Variants in GNG7 observed in about 807,000 individuals in gnomAD.
GNG7 encodes G protein subunit gamma 7, also known as guanine nucleotide-binding protein G(I)/G(S)/G(O) subunit gamma-7.
GNG7 carries 1 observed loss-of-function variant against 4.0 expected under a neutral mutation model. That is an observed-to-expected ratio of 0.25 (90% CI 0.09 to 1.18). The LOEUF is 1.18. Among genes scored for constraint, GNG7 ranks in the 50% most tolerant of loss-of-function variants. GNG7 has a pLI of 0.50. For missense variants in GNG7, 86 were observed against 91.9 expected, an observed-to-expected ratio of 0.94 and a Z score of 0.26; for synonymous variants, 34 against 36.9, an observed-to-expected ratio of 0.92 and a Z score of 0.29.
chr19:2,538,404 T>C, intron 3 of GNG7: 1 of 401,166 alleles, frequency 2.5e-6, no homozygotes, highest in South Asian at 1.8e-5. Flanking sequence ...TGGAGGATCA[T>C]TTGAGGCCAG....
chr19:2,628,600 C>T (rs1599429799), intron 2 of GNG7, among the ~76,000 whole-genome samples: 1 of 149,954 alleles, frequency 6.7e-6, no homozygotes, highest in East Asian at 1.9e-4. Flanking sequence ...TAAGTATACT[C>T]ACACTGCTGT....
intron 2 of GNG7, among the ~76,000 whole-genome samples, chr19:2,575,556 C>CACACGCAGGCACACGCAG (rs763915368): frequency 1.0e-5 from 1 of 99,922 alleles, no homozygotes; most frequent in East Asian, 2.1e-4. Flanking sequence ...CACACGCAGA[C>CACACGCAGGCACACGCAG]ACACGCAGGC....
At chr19:2,575,832 C>T (rs1202858771) in intron 2 of GNG7, among the ~76,000 whole-genome samples, 2 of 148,584 alleles carry the variant, frequency 1.3e-5, no homozygotes, top group African/African-American at 5.0e-5. Context: ...CACACGCAGA[C>T]AGGCAGGCAC....
At chr19:2,594,176 G>T (rs561207212) in intron 2 of GNG7, among the ~76,000 whole-genome samples, 2 of 152,186 alleles carry the variant, frequency 1.3e-5, no homozygotes, top group Admixed American at 6.6e-5. Flanking sequence ...TTCGAGACCA[G>T]CCTGGCCAAC....
intron 2 of GNG7, among the ~76,000 whole-genome samples, chr19:2,619,179 G>C (rs544070152): frequency 6.6e-6 from 1 of 152,324 alleles, no homozygotes; most frequent in African/African-American, 2.4e-5. Flanking sequence ...AAGCTCCTTG[G>C]AATAATCGTC....
At chr19:2,606,666 A>C (rs201852221) in intron 2 of GNG7, among the ~76,000 whole-genome samples, 2 of 32,780 alleles carry the variant, frequency 6.1e-5, no homozygotes, top group Non-Finnish European at 1.4e-4. Context: ...AAAAAAAAAT[A>C]ATTAATTAAT....
At position 2,612,515 on chromosome 19, in the gene GNG7, C is replaced by G. The variant is rs1046882552; in HGVS notation, c.-78+33709G>C. Among the ~76,000 whole-genome samples the G allele has an allele frequency of 1.1e-4, 16 of 152,068 alleles. 1 individual carries two copies. The highest frequency in any genetic ancestry group is 3.1e-4 in the African/African-American group (13 of 41,408). On this transcript the variant is annotated intron_variant, in intron 2 of 4. Transcript: ENST00000382159. ...AGAAGACTGAAGCCAGGACCCCCCC[C>G]AGGCAGGACCCAGGCTCCCACGGCA...
In GNG7 at chr19:2,524,517, CGT is replaced by C. The variant is rs371632671; in HGVS notation, c.-37-3794_-37-3793del. On this transcript the variant is annotated intron_variant, in intron 3 of 4. Coordinates refer to ENST00000382159, the MANE Select transcript of GNG7 (RefSeq NM_052847.3). ...TGGCATTCATGAGTGTGCATATATGCGTGTGTGCACACATATCTGCATGTGTA... is the reference window on the plus strand; with the variant it reads ...TGGCATTCATGAGTGTGCATATATGCGTGTGCACACATATCTGCATGTGTA... Among the ~76,000 whole-genome samples the C allele has an allele frequency of 2.3e-3, 354 of 152,272 alleles. 1 individual carries two copies. Among genetic ancestry groups the C allele is most frequent in the African/African-American group, 7.8e-3 (324 of 41,542 alleles).
chr19:2,685,852 G>A (rs1473866597), intron 1 of GNG7, among the ~76,000 whole-genome samples: 1 of 152,088 alleles, frequency 6.6e-6, no homozygotes, highest in African/African-American at 2.4e-5. Context: ...TTTGCCCAGT[G>A]AAAAGAGGCC....
intron 2 of GNG7, among the ~76,000 whole-genome samples, chr19:2,568,079 A>G (rs1408143454): frequency 6.6e-6 from 1 of 150,766 alleles, no homozygotes; most frequent in East Asian, 2.0e-4. Flanking sequence ...ACACACATAT[A>G]CACATGCACA....
intron 1 of GNG7, among the ~76,000 whole-genome samples, chr19:2,676,825 G>C (rs1216594881): frequency 2.6e-5 from 4 of 151,972 alleles, no homozygotes; most frequent in Non-Finnish European, 5.9e-5. Flanking sequence ...TTTTCAGCCG[G>C]GCGGGTGCAA....
intron 1 of GNG7, among the ~76,000 whole-genome samples, chr19:2,688,508 G>A (rs745373954): frequency 5.9e-5 from 9 of 152,108 alleles, no homozygotes; most frequent in Non-Finnish European, 1.3e-4. Context: ...GTTCTTTCCC[G>A]AAACCCGTAA....
chr19:2,538,529 G>A (rs946240527), intron 3 of GNG7: 47 of 350,342 alleles, frequency 1.3e-4, no homozygotes, highest in South Asian at 2.1e-4. Context: ...TACCCGGGAG[G>A]CTGAGGCAGG....
intron 3 of GNG7, among the ~76,000 whole-genome samples, chr19:2,536,069 G>T (rs931311241): frequency 2.0e-5 from 3 of 152,054 alleles, no homozygotes; most frequent in Non-Finnish European, 4.4e-5. Flanking sequence ...AGGCTGCGGT[G>T]AGTTGTGACC....
At chr19:2,538,691 G>A (rs1387828547) in intron 3 of GNG7, 1 of 461,890 alleles carries the variant, frequency 2.2e-6, no homozygotes, top group South Asian at 1.6e-5. Flanking sequence ...TACTCTAACA[G>A]CTCCACTGAG....
At position 2,522,540 on chromosome 19, in the gene GNG7, C is replaced by T. The variant is rs539721755; in HGVS notation, c.-37-1815G>A. ...CTGTAATCCCAGCACTTTGGGAGGC[C>T]GAGGCGGGCGGGTCACAAGGTCAGG... On this transcript the variant is annotated intron_variant, in intron 3 of 4. Coordinates refer to ENST00000382159, the MANE Select transcript of GNG7 (RefSeq NM_052847.3). Among the ~76,000 whole-genome samples, 11 of 151,684 alleles carry T rather than the reference C, an allele frequency of 7.3e-5. No individual in the cohort carries two copies. In the South Asian group the frequency reaches 1.2e-3, roughly 17 times the overall value.
rs377174635 is a variant in GNG7 at position 2,513,027 on chromosome 19, C to T, written c.*1995G>A. On this transcript the variant is annotated 3_prime_UTR_variant, in exon 5 of 5. Transcript: ENST00000382159. ...GGGTAGGGCTCCCCGAAGCCCCAGCCCTCCCGGACCTGCCGTAGAGAGCTG... is the reference window on the plus strand; with the variant it reads ...GGGTAGGGCTCCCCGAAGCCCCAGCTCTCCCGGACCTGCCGTAGAGAGCTG... 9 of 985,350 alleles carry T rather than the reference C, an allele frequency of 9.1e-6. No homozygotes were observed. The South Asian group carries it at 2.8e-4, about 31-fold the overall frequency. 61.0% of individuals were successfully genotyped at this position (985,350 alleles called of 1,614,324 possible). A position where few individuals can be genotyped will look rare whatever the true frequency, so the allele number is the denominator to read the frequency against.
At position 2,512,112 on chromosome 19, in the gene GNG7, A is replaced by G. The variant is rs1035692978; in HGVS notation, c.*2910T>C. 4.0e-5 allele frequency: 39 copies of G among 985,450 alleles called. No individual in the cohort carries two copies. In the Admixed American group the frequency reaches 9.2e-4, roughly 23 times the overall value. The allele number at this position is 985,450 out of a possible 1,614,324, so 61.0% of individuals were successfully genotyped here. On this transcript the variant is annotated 3_prime_UTR_variant, in exon 5 of 5. Coordinates refer to ENST00000382159, the MANE Select transcript of GNG7 (RefSeq NM_052847.3). This position sits in a 1 kb window ranked among gnomAD's most constrained non-coding sequence, Gnocchi z 4.7. Reference sequence around the variant, plus strand: ...GCGTGGGTGGGGGTGAGTGTCCTTAACTCTCTTTTCCCCTGGCGTAGCTGA... The same window carrying G: ...GCGTGGGTGGGGGTGAGTGTCCTTAGCTCTCTTTTCCCCTGGCGTAGCTGA...
At chr19:2,539,638 T>C (rs146890344) in intron 3 of GNG7, among the ~76,000 whole-genome samples, 35 of 152,082 alleles carry the variant, frequency 2.3e-4, no homozygotes, top group Middle Eastern at 3.4e-3. Context: ...CGATATCCAA[T>C]GGGGGATGGA....
Sources: allele counts gnomAD v4.1 joint callset (sites outside exome capture counted in the v4.1 genomes callset), GRCh38; gene constraint gnomAD v4.1.1; non-coding constraint Gnocchi (gnomAD v3.1); transcripts MANE v1.5; gene names NCBI Gene and HGNC (gene_info 2026-07-23, HGNC 2026-07-21).